ELMO1: variants seen among roughly 807,000 people sequenced by gnomAD.
ELMO1 encodes engulfment and cell motility 1.
A neutral mutation model predicts 98.9 loss-of-function variants in ELMO1; 26 were observed. The observed-to-expected ratio is 0.26, with a 90% confidence interval of 0.19 to 0.36. The LOEUF (loss-of-function observed/expected upper bound fraction) is 0.36. Among genes scored for constraint, ELMO1 ranks in the 10% least tolerant of loss-of-function variants. ELMO1 has a pLI of 1.00. For missense variants in ELMO1, 627 were observed against 935.2 expected, an observed-to-expected ratio of 0.67 and a Z score of 4.30; for synonymous variants, 346 against 346.0, an observed-to-expected ratio of 1.00 and a Z score of 0.00.
chr7:37,190,040 CAAAA>C (rs34898853), intron 13 of ELMO1, among the ~76,000 whole-genome samples: 1 of 135,840 alleles, frequency 7.4e-6, no homozygotes, highest in Non-Finnish European at 1.6e-5. Context: ...TTGTCCCTAC[CAAAA>C]AAAAAAAAAA....
At chr7:37,398,547 T>C (rs531712049) in intron 1 of ELMO1, among the ~76,000 whole-genome samples, 2 of 152,358 alleles carry the variant, frequency 1.3e-5, no homozygotes, top group South Asian at 2.1e-4. Context: ...GTTAGATTCC[T>C]GGACACTTGA....
At chr7:37,338,886 T>C (rs982438423) in intron 2 of ELMO1, among the ~76,000 whole-genome samples, 9 of 152,148 alleles carry the variant, frequency 5.9e-5, no homozygotes, top group African/African-American at 2.2e-4. Flanking sequence ...CTGGGGATTT[T>C]TCCTGCTGAG....
intron 10 of ELMO1, among the ~76,000 whole-genome samples, chr7:37,218,935 G>A (rs1793443223): frequency 6.6e-6 from 1 of 152,192 alleles, no homozygotes. Context: ...CTTATCAAAA[G>A]TATAAGTATT....
intron 4 of ELMO1, among the ~76,000 whole-genome samples, chr7:37,306,223 A>G (rs1798607712): frequency 6.6e-6 from 1 of 152,200 alleles, no homozygotes. Flanking sequence ...TACCTGAAAT[A>G]ATAGGAGGGA....
rs879663867 is a variant in ELMO1 at position 36,901,161 on chromosome 7, G to A, written c.1438-6144C>T. On this transcript the variant is annotated intron_variant, in intron 16 of 21. Coordinates refer to ENST00000310758, the MANE Select transcript of ELMO1 (RefSeq NM_014800.11). Reference sequence around the variant, plus strand: ...GGTCTTTAAAATTGGGTCAGCTTCCGGAAACTCAAAATAGTTTCACTTTAT... The same window carrying A: ...GGTCTTTAAAATTGGGTCAGCTTCCAGAAACTCAAAATAGTTTCACTTTAT... Among the ~76,000 whole-genome samples, 119 of 152,230 alleles carry A rather than the reference G, an allele frequency of 7.8e-4. 1 individual carries two copies. Among genetic ancestry groups the A allele is most frequent in the Non-Finnish European group, 4.4e-4 (30 of 68,010 alleles).
At chr7:36,876,285 T>G (rs1468222410) in intron 19 of ELMO1, among the ~76,000 whole-genome samples, 3 of 152,170 alleles carry the variant, frequency 2.0e-5, no homozygotes, top group Non-Finnish European at 4.4e-5. Flanking sequence ...CAGAAGGGAC[T>G]GTCTTTTATC....
At chr7:36,963,281 G>A (rs943409552) in intron 16 of ELMO1, among the ~76,000 whole-genome samples, 2 of 152,074 alleles carry the variant, frequency 1.3e-5, no homozygotes, top group African/African-American at 4.8e-5. Flanking sequence ...AGGAGACTGA[G>A]GCAGGAGAAT....
chr7:37,222,806 G>A (rs1167683943), intron 9 of ELMO1, 113 bp from the exon 10 acceptor site: 1 of 882,272 alleles, frequency 1.1e-6, no homozygotes, highest in Non-Finnish European at 1.8e-6. Context: ...AAAAAAGTGA[G>A]AGAGAAAGGC....
chr7:37,254,766 G>A (rs553141397), intron 6 of ELMO1, among the ~76,000 whole-genome samples: 7 of 152,302 alleles, frequency 4.6e-5, no homozygotes, highest in South Asian at 2.1e-4. Flanking sequence ...TATGCAGTGC[G>A]TGACTGTAGT....
chr7:36,895,383 C>T (rs1346047267), intron 16 of ELMO1, among the ~76,000 whole-genome samples: 2 of 152,098 alleles, frequency 1.3e-5, no homozygotes, highest in East Asian at 3.9e-4. Context: ...TAAAGCCCTG[C>T]ATAGTAATTA....
intron 15 of ELMO1, among the ~76,000 whole-genome samples, chr7:37,033,878 A>C (rs1344170268): frequency 1.3e-5 from 2 of 152,216 alleles, no homozygotes; most frequent in Non-Finnish European, 2.9e-5. Context: ...TAAAGACAAC[A>C]GAAGATAAAG....
At chr7:37,128,125 G>T (rs1005633468) in intron 14 of ELMO1, among the ~76,000 whole-genome samples, 1 of 152,146 alleles carries the variant, frequency 6.6e-6, no homozygotes, top group Non-Finnish European at 1.5e-5. Context: ...CCCAGGACAC[G>T]GAGACTGTGG....
At chr7:37,367,298 A>C (rs757121770) in intron 1 of ELMO1, among the ~76,000 whole-genome samples, 12 of 150,510 alleles carry the variant, frequency 8.0e-5, no homozygotes, top group Non-Finnish European at 1.5e-4. Context: ...TCTCCCACTC[A>C]CTCCTTTACT....
chr7:37,264,838 CTT>C (rs749270847), intron 5 of ELMO1, among the ~76,000 whole-genome samples: 3 of 152,134 alleles, frequency 2.0e-5, no homozygotes, highest in African/African-American at 4.8e-5. Flanking sequence ...ATTTCTCTCT[CTT>C]GAAGATACAA....
chr7:37,035,731 TTGA>T (rs1486177505), intron 15 of ELMO1, among the ~76,000 whole-genome samples: 2 of 152,246 alleles, frequency 1.3e-5, no homozygotes, highest in African/African-American at 4.8e-5. Context: ...TACACTAAAC[TTGA>T]TGAGAAATAA....
At chr7:37,364,045 C>T (rs2392495) in intron 1 of ELMO1, among the ~76,000 whole-genome samples, 25,870 of 152,170 alleles carry the variant, frequency 0.17, 2,846 homozygotes, top group East Asian at 0.59. Context: ...CTGACTAACA[C>T]TCTGCCAGGG....
intron 15 of ELMO1, among the ~76,000 whole-genome samples, chr7:37,074,007 A>T (rs1162102033): frequency 6.6e-6 from 1 of 150,510 alleles, no homozygotes; most frequent in South Asian, 2.1e-4. Flanking sequence ...TTCAAGAACA[A>T]TTATGTGACT....
intron 16 of ELMO1, among the ~76,000 whole-genome samples, chr7:36,899,562 T>C (rs961736221): frequency 2.6e-5 from 4 of 152,158 alleles, no homozygotes; most frequent in Non-Finnish European, 4.4e-5. Context: ...AGCTGCAGTA[T>C]GGCTTCTCAG....
intron 14 of ELMO1, among the ~76,000 whole-genome samples, chr7:37,107,924 A>C (rs1351447260): frequency 6.6e-6 from 1 of 152,230 alleles, no homozygotes; most frequent in Non-Finnish European, 1.5e-5. Flanking sequence ...AACGGACTTG[A>C]GAAGATGGAA....
Sources: allele counts gnomAD v4.1 joint callset (sites outside exome capture counted in the v4.1 genomes callset), GRCh38; gene constraint gnomAD v4.1.1; transcripts MANE v1.5; gene names NCBI Gene and HGNC (gene_info 2026-07-23, HGNC 2026-07-21).